The following COL6A3 variants were observed in gnomAD, a reference collection of about 807,000 sequenced individuals.
COL6A3 encodes collagen type VI alpha 3 chain, also known as collagen alpha-3(VI) chain.
A neutral mutation model predicts 274.1 loss-of-function variants in COL6A3; 137 were observed. The ratio of observed to expected loss-of-function variants is 0.50; its 90% CI spans 0.44 to 0.58. COL6A3 has a LOEUF of 0.58. Ranked by LOEUF, COL6A3 falls within the 20% of genes least tolerant of loss-of-function variation. The pLI, the probability that COL6A3 is intolerant of heterozygous loss-of-function variation, is 0.00. For synonymous variants in COL6A3, 1,650 were observed against 1,650.6 expected, an observed-to-expected ratio of 1.00 and a Z score of 0.01; for missense variants, 3,950 against 4,124.9, an observed-to-expected ratio of 0.96 and a Z score of 1.16.
intron 3 of COL6A3, 104 bp from the exon 4 acceptor site, chr2:237,388,288 G>A (rs1404951471): frequency 8.5e-6 from 12 of 1,414,250 alleles, no homozygotes; most frequent in East Asian, 4.6e-5. Flanking sequence ...TAAGAAACAC[G>A]AAATATGGGC....
chr2:237,355,624 G>A (rs757551169), intron 23 of COL6A3: 8 of 152,302 alleles, frequency 5.3e-5, no homozygotes, highest in Non-Finnish European at 8.8e-5. Context: ...TGTCCCAGGC[G>A]GTCTTTGCAA....
rs778090786 is a variant in COL6A3, at chr2:237,358,594, A to G, written c.6409-11T>C. The G allele has an allele frequency of 4.3e-6, 7 of 1,611,952 alleles. No individual in the cohort carries two copies. Among genetic ancestry groups the G allele is most frequent in the Non-Finnish European group, 5.1e-6 (6 of 1,178,090 alleles). On this transcript the variant is annotated splice_polypyrimidine_tract_variant and intron_variant, in intron 20 of 43. Coordinates refer to ENST00000295550, the MANE Select transcript of COL6A3 (RefSeq NM_004369.4). ...AGGTCCTTTATCACCCTAAAGAAAA[A>G]GCACAAGTGGATGCTAAAAACTAGA...
At position 237,336,546 on chromosome 2, in the gene COL6A3, T is replaced by C. The variant is rs1435856013; in HGVS notation, c.8568-14A>G. 6.2e-7 allele frequency: 1 copy of C among 1,613,360 alleles called. No individual in the cohort carries two copies. The highest frequency in any genetic ancestry group is 2.2e-5 in the East Asian group (1 of 44,884). On this transcript the variant is annotated splice_polypyrimidine_tract_variant and intron_variant, in intron 39 of 43. Transcript: ENST00000295550. ...TTCGGAACATTTCTGTTAAGACAAA[T>C]TAAATATTACCTCTACTTTTACCTG...
chr2:237,401,563 C>T (rs980157354), intron 1 of COL6A3, among the ~76,000 whole-genome samples: 1 of 152,158 alleles, frequency 6.6e-6, no homozygotes, highest in South Asian at 2.1e-4. Context: ...ACACTCTGAG[C>T]ACAGAGTATG....
At chr2:237,384,109 T>C (rs1044784129) in intron 4 of COL6A3, among the ~76,000 whole-genome samples, 1 of 152,164 alleles carries the variant, frequency 6.6e-6, no homozygotes, top group Non-Finnish European at 1.5e-5. Context: ...TGAATTCCTA[T>C]GTTTGCTTCA....
Position 237,387,493 on chromosome 2 carries a change from C to T in COL6A3, c.1312+89G>A, listed in dbSNP as rs549151925. On this transcript the variant is annotated intron_variant, in intron 4 of 43. Transcript: ENST00000295550. ...TGGGTACTTACAGCTTCTCCCGTGG[C>T]GAATCATGCTGGTACCCACCTTACG... 3.6e-4 allele frequency: 571 copies of T among 1,597,016 alleles called. 1 individual carries two copies. Among genetic ancestry groups the T allele is most frequent in the African/African-American group, 1.2e-4 (9 of 74,694 alleles).
intron 25 of COL6A3, 56 bp from the exon 26 acceptor site, chr2:237,352,640 C>A: frequency 1.3e-6 from 2 of 1,519,876 alleles, no homozygotes; most frequent in South Asian, 2.3e-5. Flanking sequence ...CATGAGAAGC[C>A]TCTGCATGGC....
At chr2:237,411,765 G>A (rs1401535459) in intron 1 of COL6A3, among the ~76,000 whole-genome samples, 1 of 152,162 alleles carries the variant, frequency 6.6e-6, no homozygotes, top group Admixed American at 6.5e-5. Flanking sequence ...TGCCTACCTC[G>A]TATCAAAAAT....
intron 1 of COL6A3, among the ~76,000 whole-genome samples, chr2:237,408,570 C>T (rs1574783180): frequency 6.6e-6 from 1 of 152,344 alleles, no homozygotes; most frequent in South Asian, 2.1e-4. Flanking sequence ...TCAACTCCAG[C>T]TGCTGTTCAA....
At chr2:237,335,169 T>C (rs1489916882) in intron 40 of COL6A3, among the ~76,000 whole-genome samples, 1 of 152,218 alleles carries the variant, frequency 6.6e-6, no homozygotes, top group African/African-American at 2.4e-5. Flanking sequence ...ACTTTGGAAA[T>C]GCAGCATACT....
rs2077565368 is a variant in COL6A3 at position 237,366,836 on chromosome 2, T to C, written c.5351A>G (p.Glu1784Gly). The part of the protein sequence containing the change: ...FAVGVRNIDS[E>G]EVGKIASNSA... Reference sequence around the variant, plus strand: ...GTTGGACGCTATCTTTCCAACCTCCTCCGAGTCGATATTCCTCACTCCAAC... The same window carrying C: ...GTTGGACGCTATCTTTCCAACCTCCCCCGAGTCGATATTCCTCACTCCAAC... Residue 1784 changes from glutamate (E) to glycine (G), a missense_variant, in exon 11 of 44, where the codon GAG (glutamate) becomes GGG (glycine). Transcript: ENST00000295550. The C allele has an allele frequency of 1.9e-6, 3 of 1,614,208 alleles. No individual in the cohort carries two copies. The highest frequency in any genetic ancestry group is 1.3e-5 in the African/African-American group (1 of 75,052).
Position 237,393,203 on chromosome 2 carries a change from G to A in COL6A3, c.709+1384C>T, listed in dbSNP as rs2078337411. Among the ~76,000 whole-genome samples the A allele has an allele frequency of 2.0e-5, 3 of 152,064 alleles. No homozygotes were observed. In the South Asian group the frequency reaches 6.2e-4, roughly 32 times the overall value. On this transcript the variant is annotated intron_variant, in intron 3 of 43. Transcript: ENST00000295550. ...AGTTCTGGGAACTCCTTTGATCCTG[G>A]GAGTGCCTGAGATATCTGCAGAAAG...
rs1319081543 is a variant in COL6A3 at position 237,413,972 on chromosome 2, CGT to C, written c.-52_-51del. 1 of 152,210 alleles carries C rather than the reference CGT, an allele frequency of 6.6e-6. No homozygotes were observed. Among genetic ancestry groups the C allele is most frequent in the Non-Finnish European group, 1.5e-5 (1 of 68,042 alleles). The allele number at this position is 152,210 out of a possible 1,614,324, so 9.4% of individuals were successfully genotyped here. On this transcript the variant is annotated 5_prime_UTR_variant, in exon 1 of 44. Transcript: ENST00000295550. This position sits in a 1 kb window ranked among gnomAD's most constrained non-coding sequence, Gnocchi z 4.0. ...ACTTACCCCTGAGCAAACCTGAAGG[CGT>C]GTGTCCCTGGGCTCCTCGATTCAAT...
chr2:237,363,173 T>G, intron 14 of COL6A3, 80 bp downstream of exon 14: 14 of 1,333,136 alleles, frequency 1.1e-5, no homozygotes, highest in East Asian at 5.6e-5. Context: ...CACCTGCTGA[T>G]AATTAACTTC....
In COL6A3 at chr2:237,364,640, A is replaced by G. The variant is rs2077507980; in HGVS notation, c.5839-212T>C. On this transcript the variant is annotated intron_variant, in intron 12 of 43. Coordinates refer to ENST00000295550, the MANE Select transcript of COL6A3 (RefSeq NM_004369.4). This position sits in a 1 kb window ranked among gnomAD's most constrained non-coding sequence, Gnocchi z 4.6. ...TATTTGAGTGCTTAATTTATTTTAA[A>G]AAAGACAAGCAGCAATGACAATAAA... 6.6e-6 allele frequency among the ~76,000 whole-genome samples: 1 copy of G among 152,244 alleles called. No homozygotes were observed. The highest frequency in any genetic ancestry group is 2.4e-5 in the African/African-American group (1 of 41,468).
intron 21 of COL6A3, 28 bp downstream of exon 21, chr2:237,358,493 C>A: frequency 6.3e-7 from 1 of 1,598,078 alleles, no homozygotes; most frequent in Non-Finnish European, 8.6e-7. Context: ...AGGCTCAGGT[C>A]TGAAATCGTC....
chr2:237,352,374 T>A, intron 26 of COL6A3, 148 bp downstream of exon 26: 1 of 804,442 alleles, frequency 1.2e-6, no homozygotes. Context: ...CTGCAAGGCC[T>A]GAGGTTAAAT....
intron 38 of COL6A3, among the ~76,000 whole-genome samples, chr2:237,339,462 C>T (rs546168834): frequency 1.9e-4 from 29 of 152,300 alleles, no homozygotes; most frequent in African/African-American, 6.3e-4. Flanking sequence ...AATGCAACTG[C>T]TTTTCAGATT....
chr2:237,409,614 G>A lies in COL6A3; in HGVS notation c.-31+4339C>T, dbSNP rs935992234. 1.2e-4 allele frequency among the ~76,000 whole-genome samples: 18 copies of A among 152,008 alleles called. 1 individual carries two copies. The highest frequency in any genetic ancestry group is 2.1e-4 in the Non-Finnish European group (14 of 68,004). On this transcript the variant is annotated intron_variant, in intron 1 of 43. Coordinates refer to ENST00000295550, the MANE Select transcript of COL6A3 (RefSeq NM_004369.4). ...AGTCTTAATGCTGGTTATCTCAAGC[G>A]AACAGACATAAATCTGAGAGTCAGT...
Sources: allele counts gnomAD v4.1 joint callset (sites outside exome capture counted in the v4.1 genomes callset), GRCh38; gene constraint gnomAD v4.1.1; non-coding constraint Gnocchi (gnomAD v3.1); transcripts MANE v1.5; gene names NCBI Gene and HGNC (gene_info 2026-07-23, HGNC 2026-07-21).